SOS1: variants seen among roughly 807,000 people sequenced by gnomAD.
SOS1 encodes the protein SOS Ras/Rac guanine nucleotide exchange factor 1, also known as son of sevenless homolog 1.
In SOS1, 25 loss-of-function variants were observed where a neutral mutation model predicts 157.6. That is an observed-to-expected ratio of 0.16 (90% CI 0.12 to 0.22). SOS1 has a LOEUF of 0.22. Among genes scored for constraint, SOS1 ranks in the 10% least tolerant of loss-of-function variants. The probability of loss-of-function intolerance (pLI) is 1.00; values close to 1 mark genes in which losing one functional copy is unlikely to be tolerated. For missense variants in SOS1, 1,237 were observed against 1,599.1 expected (o/e 0.77, Z 3.86); for synonymous variants, 528 against 534.0 (o/e 0.99, Z 0.16).
intron 6 of SOS1, among the ~76,000 whole-genome samples, chr2:39,036,804 T>C (rs1020645526): frequency 1.3e-5 from 2 of 151,986 alleles, no homozygotes; most frequent in Non-Finnish European, 2.9e-5. Flanking sequence ...CTCTATCTCC[T>C]GACCTCGTGA....
chr2:39,016,369 T>A (rs200831478), intron 10 of SOS1, among the ~76,000 whole-genome samples: 1 of 152,138 alleles, frequency 6.6e-6, no homozygotes, highest in East Asian at 1.9e-4. Context: ...CTTTAATAAT[T>A]TCCTCTCTGT....
intron 20 of SOS1, chr2:38,992,461 G>GT (rs34127153): frequency 6.6e-6 from 1 of 152,300 alleles, no homozygotes; most frequent in African/African-American, 2.4e-5. Flanking sequence ...CTGTCCAGCT[G>GT]TTTAAGTGAA....
chr2:39,116,425 C>T (rs1303188617), intron 1 of SOS1, among the ~76,000 whole-genome samples: 1 of 152,188 alleles, frequency 6.6e-6, no homozygotes. Context: ...CAAATGCACC[C>T]TTAGTTCAAA....
chr2:39,109,796 C>T (rs1323034067), intron 1 of SOS1, among the ~76,000 whole-genome samples: 1 of 152,172 alleles, frequency 6.6e-6, no homozygotes, highest in Admixed American at 6.5e-5. Context: ...GCCTAGGATA[C>T]TGGCACATAG....
intron 1 of SOS1, among the ~76,000 whole-genome samples, chr2:39,118,164 T>C (rs1441106507): frequency 2.0e-5 from 3 of 152,310 alleles, no homozygotes; most frequent in Admixed American, 6.5e-5. Flanking sequence ...CCCTGATGAT[T>C]TGACAGTTCA....
At chr2:39,010,514 CAA>C in intron 15 of SOS1, 68 bp downstream of exon 15, 1 of 1,474,148 alleles carries the variant, frequency 6.8e-7, no homozygotes, top group Admixed American at 1.7e-5. Context: ...AAAAAACAAA[CAA>C]AAAAATTGCA....
intron 2 of SOS1, among the ~76,000 whole-genome samples, chr2:39,059,936 C>T (rs1558493956): frequency 6.6e-6 from 1 of 151,998 alleles, no homozygotes; most frequent in Non-Finnish European, 1.5e-5. Context: ...GTTTACAAAC[C>T]TTTTCAACTG....
At chr2:39,054,479 G>A (rs1671135595) in intron 5 of SOS1, 135 bp downstream of exon 5, 5 of 627,768 alleles carry the variant, frequency 8.0e-6, no homozygotes, top group Non-Finnish European at 1.4e-5. Flanking sequence ...GTAAAACTTT[G>A]TGATCATGAA....
rs560579264 is a variant in SOS1 at position 39,070,319 on chromosome 2, G to A, written c.88-2566C>T. Among the ~76,000 whole-genome samples the A allele has an allele frequency of 1.9e-4, 29 of 152,234 alleles. 1 individual carries two copies. Among genetic ancestry groups the A allele is most frequent in the African/African-American group, 5.8e-4 (24 of 41,540 alleles). ...ACCACATGGTAGGCTATTTCTATCT[G>A]GTTCTCAGTCAAGTTCCTTTCATTT... On this transcript the variant is annotated intron_variant, in intron 1 of 22. Coordinates refer to ENST00000402219, the MANE Select transcript of SOS1 (RefSeq NM_005633.4).
rs1325075723 is a variant in SOS1 at position 39,058,578 on chromosome 2, T to C, written c.345+95A>G. ...AGAATGAGAGAATTTTACTCTTAAG[T>C]TGACTCAATTATCCATAAAATATAT... On this transcript the variant is annotated intron_variant, in intron 3 of 22. Coordinates refer to ENST00000402219, the MANE Select transcript of SOS1 (RefSeq NM_005633.4). 4 of 1,334,384 alleles carry C rather than the reference T, an allele frequency of 3.0e-6. No individual in the cohort carries two copies. The East Asian group carries it at 7.1e-5, about 24-fold the overall frequency. The allele number at this position is 1,334,384 out of a possible 1,614,324, so 82.7% of individuals were successfully genotyped here. A position where few individuals can be genotyped will look rare whatever the true frequency, so the allele number is the denominator to read the frequency against.
At chr2:39,087,496 C>T in intron 1 of SOS1, among the ~76,000 whole-genome samples, 1 of 152,186 alleles carries the variant, frequency 6.6e-6, no homozygotes, top group Non-Finnish European at 1.5e-5. Context: ...CTGCTCTTTT[C>T]TTGGAGACTG....
Position 39,044,752 on chromosome 2 carries a change from G to C in SOS1, c.864+6392C>G, listed in dbSNP as rs1670692087. Among the ~76,000 whole-genome samples the C allele has an allele frequency of 2.0e-5, 3 of 152,206 alleles. No individual in the cohort carries two copies. The South Asian group carries it at 6.2e-4, about 32-fold the overall frequency. ...CACAGGGCCTATGCAAGTTTTGCAG[G>C]GCTGATGTGGCACTTAAGCGTGTGT... is the stretch of plus-strand genomic sequence containing the variant. On this transcript the variant is annotated intron_variant, in intron 6 of 22. Transcript: ENST00000402219.
chr2:39,035,515 A>C lies in SOS1; in HGVS notation c.865-15T>G. 2.0e-6 allele frequency: 3 copies of C among 1,533,222 alleles called. No individual in the cohort carries two copies. The highest frequency in any genetic ancestry group is 2.7e-6 in the Non-Finnish European group (3 of 1,106,556). 95.0% of individuals were successfully genotyped at this position (1,533,222 alleles called of 1,614,324 possible). ...AATGCCAGTTCCTTAGAAAATAAAGAAGGTAAAACATAAATAATTTACCAT... is the reference window on the plus strand; with the variant it reads ...AATGCCAGTTCCTTAGAAAATAAAGCAGGTAAAACATAAATAATTTACCAT... On this transcript the variant is annotated splice_polypyrimidine_tract_variant and intron_variant, in intron 6 of 22. Coordinates refer to ENST00000402219, the MANE Select transcript of SOS1 (RefSeq NM_005633.4).
chr2:39,113,347 T>G (rs1195635492), intron 1 of SOS1, among the ~76,000 whole-genome samples: 1 of 150,062 alleles, frequency 6.7e-6, no homozygotes, highest in Admixed American at 6.6e-5. Flanking sequence ...TGTACCACCA[T>G]ACCTGTCTTC....
rs1669849701 is a variant in SOS1 at position 39,023,119 on chromosome 2, T to A, written c.1309A>T (p.Ile437Phe). The A allele has an allele frequency of 6.2e-7, 1 of 1,613,558 alleles. No homozygotes were observed. The highest frequency in any genetic ancestry group is 8.5e-7 in the Non-Finnish European group (1 of 1,179,618). Residue 437 changes from isoleucine to phenylalanine, a missense_variant, in exon 10 of 23, where the codon ATT becomes TTT. By Grantham distance (21) the Ile-to-Phe change is conservative. Transcript: ENST00000402219. ...KNIDGWEGKDIGQCCNEFIME... is the reference protein window; with the variant it reads ...KNIDGWEGKDFGQCCNEFIME... ...ATAAATTCATTACAACACTGTCCAA[T>A]GTCTTTTCCCTCCCAACCATCAATA...
chr2:38,996,478 G>A (rs1019406684), intron 19 of SOS1, among the ~76,000 whole-genome samples: 1 of 152,080 alleles, frequency 6.6e-6, no homozygotes, highest in Non-Finnish European at 1.5e-5. Flanking sequence ...GCACTGACAA[G>A]TAACAAAAAA....
chr2:38,989,580 G>A (rs1333220509), intron 20 of SOS1, among the ~76,000 whole-genome samples: 5 of 151,946 alleles, frequency 3.3e-5, no homozygotes, highest in Non-Finnish European at 7.4e-5. Flanking sequence ...ATTACTGAAA[G>A]ACTTTTTAAA....
At chr2:39,058,593 A>G in intron 3 of SOS1, 80 bp downstream of exon 3, 1 of 1,458,164 alleles carries the variant, frequency 6.9e-7, no homozygotes, top group Non-Finnish European at 9.5e-7. Context: ...TCAATTATCC[A>G]TAAAATATAT....
intron 1 of SOS1, among the ~76,000 whole-genome samples, chr2:39,090,580 CA>C (rs1558508836): frequency 6.6e-6 from 1 of 152,024 alleles, no homozygotes; most frequent in Non-Finnish European, 1.5e-5. Context: ...CCTGTAATCC[CA>C]GCTACTAGAC....
Sources: allele counts gnomAD v4.1 joint callset (sites outside exome capture counted in the v4.1 genomes callset), GRCh38; gene constraint gnomAD v4.1.1; transcripts MANE v1.5; gene names NCBI Gene and HGNC (gene_info 2026-07-23, HGNC 2026-07-21).